Variants in ERH observed in about 807,000 individuals in gnomAD.
ERH encodes the protein enhancer of rudimentary homolog.
A neutral mutation model predicts 16.8 loss-of-function variants in ERH; 1 was observed. That is an observed-to-expected ratio of 0.06 (90% confidence interval 0.02 to 0.28). The LOEUF (loss-of-function observed/expected upper bound fraction) is 0.28, where lower values mean the gene tolerates loss of function less well. ERH is among the 10% of genes least tolerant of loss of function. ERH has a pLI of 1.00. For synonymous variants in ERH, 43 were observed against 43.6 expected, an observed-to-expected ratio of 0.99 and a Z score of 0.05; for missense variants, 42 against 127.5, an observed-to-expected ratio of 0.33 and a Z score of 3.23.
intron 3 of ERH, among the ~76,000 whole-genome samples, chr14:69,381,154 G>A (rs1280841009): frequency 6.6e-6 from 1 of 152,130 alleles, no homozygotes; most frequent in Non-Finnish European, 1.5e-5. Flanking sequence ...GGTGGTGCAC[G>A]CCTGTAGTCC....
chr14:69,387,167 G>T, intron 2 of ERH, 84 bp from the exon 3 acceptor site: 1 of 1,085,864 alleles, frequency 9.2e-7, no homozygotes, highest in African/African-American at 1.6e-5. Flanking sequence ...TGTGCTATAT[G>T]TTGATATCAT....
intron 2 of ERH, among the ~76,000 whole-genome samples, chr14:69,393,412 G>C (rs558355633): frequency 6.6e-6 from 1 of 152,222 alleles, no homozygotes; most frequent in East Asian, 1.9e-4. Context: ...ATCCATCAAT[G>C]GATGACTAGA....
rs116278697 is a variant in ERH at position 69,383,667 on chromosome 14, A to C, written c.213-3027T>G. ...CAAGCTATGATAATTTACGGTTTTT[A>C]ACACTCTGAAACTACTAAAAAACCA... is the stretch of plus-strand genomic sequence containing the variant. On this transcript the variant is annotated intron_variant, in intron 3 of 3. Transcript: ENST00000557016. 3.1e-3 allele frequency among the ~76,000 whole-genome samples: 477 copies of C among 152,360 alleles called. 4 individuals are homozygous for C. The highest frequency in any genetic ancestry group is 0.011 in the African/African-American group (463 of 41,588).
intron 1 of ERH, among the ~76,000 whole-genome samples, chr14:69,396,840 GCAT>G (rs1385344375): frequency 6.6e-6 from 1 of 152,154 alleles, no homozygotes; most frequent in Non-Finnish European, 1.5e-5. Flanking sequence ...GCCACAGAAA[GCAT>G]CATATTAGAT....
In ERH at chr14:69,380,541, T is replaced by C; in HGVS notation, c.312A>G (p.Lys104=). 6.5e-7 allele frequency: 1 copy of C among 1,540,340 alleles called. No homozygotes were observed. The highest frequency in any genetic ancestry group is 9.0e-7 in the Non-Finnish European group (1 of 1,114,326). The stretch of plus-strand genomic sequence containing the variant: ...CCCCCCAGTGCTTCCAACACAATTA[T>C]TTCCCAGCCTGTTGGGCCTGCCGAC... The part of the protein sequence containing the change: ...LLRRQAQQAG[K] The change falls in exon 4 of 4, where the codon AAA becomes AAG. Residue 104 remains lysine (K), a synonymous_variant. Transcript: ENST00000557016.
intron 2 of ERH, 94 bp downstream of exon 2, chr14:69,394,731 G>A: frequency 1.4e-6 from 1 of 710,642 alleles, no homozygotes; most frequent in Non-Finnish European, 2.4e-6. Context: ...CAGGGCCTGG[G>A]GTGGATGGAC....
chr14:69,380,386 C>A lies in ERH; in HGVS notation c.*152G>T. The A allele has an allele frequency of 2.2e-6, 1 of 455,258 alleles. No individual in the cohort carries two copies. 28.2% of individuals were successfully genotyped at this position (455,258 alleles called of 1,614,324 possible). A position where few individuals can be genotyped will look rare whatever the true frequency, so the allele number is the denominator to read the frequency against. ...GAGGTAACGGGGGTTTCCGATTGAA[C>A]AAGATCCTCACATTTCATCTAATAC... On this transcript the variant is annotated 3_prime_UTR_variant, in exon 4 of 4. Coordinates refer to ENST00000557016, the MANE Select transcript of ERH (RefSeq NM_004450.3).
At chr14:69,390,685 TAA>T (rs1389990303) in intron 2 of ERH, among the ~76,000 whole-genome samples, 1 of 152,050 alleles carries the variant, frequency 6.6e-6, no homozygotes, top group African/African-American at 2.4e-5. Context: ...TTTATAAAAA[TAA>T]AAAACTTTTG....
At chr14:69,385,557 A>C (rs1366247224) in intron 3 of ERH, among the ~76,000 whole-genome samples, 1 of 150,958 alleles carries the variant, frequency 6.6e-6, no homozygotes, top group Non-Finnish European at 1.5e-5. Context: ...CAAACTTACC[A>C]TTACTTTTCC....
chr14:69,391,558 G>C (rs1290379876), intron 2 of ERH, among the ~76,000 whole-genome samples: 2 of 141,738 alleles, frequency 1.4e-5, no homozygotes, highest in African/African-American at 5.3e-5. Flanking sequence ...TGAGGCAGGA[G>C]AATCGCTTGA....
At chr14:69,397,589 T>G (rs368639421) in intron 1 of ERH, among the ~76,000 whole-genome samples, 2 of 152,172 alleles carry the variant, frequency 1.3e-5, no homozygotes, top group African/African-American at 4.8e-5. Context: ...CCCTGGCCCA[T>G]TGTTCCTACA....
Position 69,395,786 on chromosome 14 carries a change from C to A in ERH, c.4-874G>T, listed in dbSNP as rs61597198. ...ATTAAACTATTCACCTAGTAGATGACTTGCCTTACTGGGCTTTCTCATACC... is the reference window on the plus strand; with the variant it reads ...ATTAAACTATTCACCTAGTAGATGAATTGCCTTACTGGGCTTTCTCATACC... On this transcript the variant is annotated intron_variant, in intron 1 of 3. Transcript: ENST00000557016. Among the ~76,000 whole-genome samples, 501 of 152,316 alleles carry A rather than the reference C, an allele frequency of 3.3e-3. 1 individual carries two copies. Among genetic ancestry groups the A allele is most frequent in the African/African-American group, 0.012 (482 of 41,572 alleles).
intron 3 of ERH, chr14:69,386,532 A>G (rs1487812795): frequency 6.5e-6 from 1 of 153,122 alleles, no homozygotes; most frequent in Non-Finnish European, 1.5e-5. Flanking sequence ...TCACTCTAAC[A>G]TACCAAAATA....
At chr14:69,385,563 T>C (rs1373091864) in intron 3 of ERH, among the ~76,000 whole-genome samples, 2 of 151,736 alleles carry the variant, frequency 1.3e-5, no homozygotes, top group Admixed American at 1.3e-4. Context: ...TACCATTACT[T>C]TTCCCACTTA....
At chr14:69,385,903 ATCTCCTAAGACAC>A (rs2045889272) in intron 3 of ERH, among the ~76,000 whole-genome samples, 1 of 152,026 alleles carries the variant, frequency 6.6e-6, no homozygotes, top group South Asian at 2.1e-4. Flanking sequence ...TGCTCCTCCA[ATCTCCTAAGACAC>A]TCTCCTTCAC....
intron 1 of ERH, among the ~76,000 whole-genome samples, chr14:69,396,767 G>A (rs971250363): frequency 4.6e-5 from 7 of 152,200 alleles, no homozygotes; most frequent in Admixed American, 2.6e-4. Context: ...GACAAGAGAC[G>A]AAGGATTAAC....
At chr14:69,387,251 C>CT (rs2045897991) in intron 2 of ERH, among the ~76,000 whole-genome samples, 168 bp from the exon 3 acceptor site, 2 of 152,200 alleles carry the variant, frequency 1.3e-5, no homozygotes, top group Non-Finnish European at 1.5e-5. Context: ...CTAGCAAATA[C>CT]TTTTTTATTT....
chr14:69,383,659 C>T (rs917952165), intron 3 of ERH, among the ~76,000 whole-genome samples: 2 of 152,100 alleles, frequency 1.3e-5, no homozygotes, highest in Admixed American at 6.5e-5. Context: ...TGATAATTTA[C>T]GGTTTTTAAC....
At position 69,387,200 on chromosome 14, in the gene ERH, T is replaced by C; in HGVS notation, c.92-117A>G. 3.8e-6 allele frequency: 3 copies of C among 781,016 alleles called. No individual in the cohort carries two copies. In the Admixed American group the frequency reaches 8.5e-5, roughly 22 times the overall value. The allele number at this position is 781,016 out of a possible 1,614,324, so 48.4% of individuals were successfully genotyped here. A position where few individuals can be genotyped will look rare whatever the true frequency, so the allele number is the denominator to read the frequency against. ...CATATTTACTTTAATAAAGTTGGGC[T>C]GGGGAAAAGATGATAGATTGATGGC... On this transcript the variant is annotated intron_variant, in intron 2 of 3. Coordinates refer to ENST00000557016, the MANE Select transcript of ERH (RefSeq NM_004450.3).
Sources: gnomAD v4.1 joint callset for allele counts (sites outside exome capture counted in the v4.1 genomes callset) on GRCh38, gnomAD v4.1.1 for gene constraint, MANE v1.5 for transcripts, NCBI Gene and HGNC (gene_info 2026-07-23, HGNC 2026-07-21) for gene names.